CEMIP: variants seen among roughly 807,000 people sequenced by gnomAD.
CEMIP encodes the protein cell migration inducing hyaluronidase 1, also known as cell migration-inducing and hyaluronan-binding protein.
A neutral mutation model predicts 156.9 loss-of-function variants in CEMIP; 105 were observed. The observed-to-expected ratio is 0.67, with a 90% CI of 0.57 to 0.79. The LOEUF is 0.79. Among genes scored for constraint, CEMIP ranks in the 30% least tolerant of loss-of-function variants. The pLI, the probability that CEMIP is intolerant of heterozygous loss-of-function variation, is 0.00. For synonymous variants in CEMIP, 676 were observed against 668.4 expected, an observed-to-expected ratio of 1.01 and a Z score of -0.17; for missense variants, 1,457 against 1,769.4, an observed-to-expected ratio of 0.82 and a Z score of 3.17.
intron 14 of CEMIP, among the ~76,000 whole-genome samples, chr15:80,918,289 GA>G (rs200407286): frequency 9.6e-5 from 14 of 145,984 alleles, no homozygotes; most frequent in South Asian, 2.2e-4. Context: ...AAAGAAAAAA[GA>G]AAAAAAAAAG....
chr15:80,893,622 A>G (rs1434725656), intron 10 of CEMIP, among the ~76,000 whole-genome samples: 1 of 152,112 alleles, frequency 6.6e-6, no homozygotes, highest in Non-Finnish European at 1.5e-5. Context: ...AACCCCTCTG[A>G]GCATCAGCGT....
intron 23 of CEMIP, among the ~76,000 whole-genome samples, chr15:80,935,801 T>A (rs1457650237): frequency 2.6e-5 from 4 of 152,222 alleles, no homozygotes; most frequent in Admixed American, 2.0e-4. Flanking sequence ...GGCAATGGCG[T>A]GATCTCGGCT....
chr15:80,895,974 C>G lies in CEMIP; in HGVS notation c.1325C>G (p.Ala442Gly), dbSNP rs769269343. Residue 442 changes from alanine to glycine, a missense_variant, in exon 12 of 30, where the codon GCC becomes GGC. Around this residue, in one of 5 missense-constraint regions of CEMIP, gnomAD observed 280 missense variants for 300.3 expected, o/e 0.93. Coordinates refer to ENST00000394685, the MANE Select transcript of CEMIP (RefSeq NM_001293298.2). Reference protein sequence around the residue: ...SWKPGDTLVIASTDYSMYQAE... With the variant: ...SWKPGDTLVIGSTDYSMYQAE... ...AAACCTGGAGATACCCTGGTCATTG[C>G]CAGTACTGATTACTCCATGTACCAG... 3.1e-6 allele frequency: 5 copies of G among 1,614,142 alleles called. No homozygotes were observed. The Admixed American group carries it at 8.3e-5, about 27-fold the overall frequency.
chr15:80,874,051 G>A (rs28394231), intron 3 of CEMIP, 78 bp downstream of exon 3: 13 of 1,367,970 alleles, frequency 9.5e-6, no homozygotes, highest in Non-Finnish European at 1.3e-5. Flanking sequence ...GCTGCTTTTG[G>A]GGGAGCCAGG....
rs201342698 is a variant in CEMIP, at chr15:80,933,288, A to G, written c.2837A>G (p.Asn946Ser). The change falls in exon 23 of 30, where the codon AAC (asparagine) becomes AGC (serine). Residue 946 changes from asparagine to serine, a missense_variant. Around this residue, in one of 5 missense-constraint regions of CEMIP, gnomAD observed 798 missense variants for 980.1 expected, o/e 0.81. Transcript: ENST00000394685. ...TTCGGAGAGCCTGGGCCCTGGTTCA[A>G]CCAGCTGGACATGGATGGGGATAAG... ...VFFGEPGPWF[N>S]QLDMDGDKTS... 12 of 1,614,156 alleles carry G rather than the reference A, an allele frequency of 7.4e-6. No homozygotes were observed. Among genetic ancestry groups the G allele is most frequent in the Non-Finnish European group, 1.0e-5 (12 of 1,180,014 alleles).
At chr15:80,930,640 A>G (rs1316738214) in intron 21 of CEMIP, among the ~76,000 whole-genome samples, 1 of 152,202 alleles carries the variant, frequency 6.6e-6, no homozygotes, top group Admixed American at 6.5e-5. Context: ...AATCAATTAT[A>G]AACGTAAAAA....
At chr15:80,823,555 C>G (rs767415466) in intron 1 of CEMIP, among the ~76,000 whole-genome samples, 4 of 152,126 alleles carry the variant, frequency 2.6e-5, no homozygotes, top group Non-Finnish European at 5.9e-5. Context: ...GGACCCAGTC[C>G]CTTTCCCCTT....
chr15:80,890,436 A>AT (rs1446152695), intron 10 of CEMIP, among the ~76,000 whole-genome samples: 1 of 151,670 alleles, frequency 6.6e-6, no homozygotes, highest in Non-Finnish European at 1.5e-5. Context: ...AAAAAAAAAA[A>AT]AAAATTAGCT....
At position 80,880,950 on chromosome 15, in the gene CEMIP, G is replaced by C. The variant is rs1898632800; in HGVS notation, c.431G>C (p.Gly144Ala). 7.4e-6 allele frequency: 12 copies of C among 1,614,206 alleles called. No homozygotes were observed. The highest frequency in any genetic ancestry group is 1.0e-5 in the Non-Finnish European group (12 of 1,180,032). The change falls in exon 6 of 30, where the codon GGG becomes GCG. Residue 144 changes from glycine to alanine, a missense_variant. Gly to Ala is a moderately conservative substitution (Grantham distance 60, BLOSUM62 0). Transcript: ENST00000394685. Reference sequence around the variant, plus strand: ...CCTTACTATGGTCTGAAGTACATTGGGGTTGGTAAAGGAGGCGCTCTTGAG... The same window carrying C: ...CCTTACTATGGTCTGAAGTACATTGCGGTTGGTAAAGGAGGCGCTCTTGAG... ...PDPYYGLKYI[G>A]VGKGGALELH...
intron 29 of CEMIP, chr15:80,948,596 G>A: frequency 1.4e-6 from 1 of 690,536 alleles, no homozygotes; most frequent in Non-Finnish European, 2.5e-6. Context: ...AGGCTCAGGT[G>A]AGACCCTGCC....
At chr15:80,913,691 C>T (rs1034202344) in intron 14 of CEMIP, among the ~76,000 whole-genome samples, 28 of 152,192 alleles carry the variant, frequency 1.8e-4, no homozygotes, top group Non-Finnish European at 3.7e-4. Context: ...TCACTGTGTG[C>T]CTCTGTATCT....
At chr15:80,804,988 G>A (rs987755394) in intron 1 of CEMIP, among the ~76,000 whole-genome samples, 2 of 152,090 alleles carry the variant, frequency 1.3e-5, no homozygotes. Context: ...ATGGCTGCAC[G>A]GAGAACTACC....
At chr15:80,896,383 G>A (rs1899225403) in intron 12 of CEMIP, 1 of 516,832 alleles carries the variant, frequency 1.9e-6, no homozygotes, top group Non-Finnish European at 3.7e-6. Flanking sequence ...CAGAAACACA[G>A]AACTCTTAAG....
intron 25 of CEMIP, among the ~76,000 whole-genome samples, chr15:80,940,674 C>T (rs1431932508): frequency 1.3e-5 from 2 of 152,200 alleles, no homozygotes; most frequent in African/African-American, 4.8e-5. Flanking sequence ...CTCAAGGAAG[C>T]TCAGATTAAG....
chr15:80,863,954 C>G (rs78484604), intron 1 of CEMIP, among the ~76,000 whole-genome samples: 1 of 152,164 alleles, frequency 6.6e-6, no homozygotes, highest in Non-Finnish European at 1.5e-5. Context: ...TTCCTCTCCC[C>G]TCCCCTCTCT....
In CEMIP at chr15:80,901,863, C is replaced by G. The variant is rs115844062; in HGVS notation, c.1412-4800C>G. Reference sequence around the variant, plus strand: ...CGGCACTGATGTAGGTCAAGCAAGTCAACAGCTGAGCCAGGATTTCAACTC... The same window carrying G: ...CGGCACTGATGTAGGTCAAGCAAGTGAACAGCTGAGCCAGGATTTCAACTC... On this transcript the variant is annotated intron_variant, in intron 12 of 29. Coordinates refer to ENST00000394685, the MANE Select transcript of CEMIP (RefSeq NM_001293298.2). Among the ~76,000 whole-genome samples the G allele has an allele frequency of 3.2e-3, 483 of 152,306 alleles. 2 individuals are homozygous for G. The highest frequency in any genetic ancestry group is 0.011 in the African/African-American group (457 of 41,566).
chr15:80,818,016 T>C (rs1896826253), intron 1 of CEMIP, among the ~76,000 whole-genome samples: 1 of 152,182 alleles, frequency 6.6e-6, no homozygotes, highest in African/African-American at 2.4e-5. Context: ...ATTTTTCCTA[T>C]TTTACGTGGT....
chr15:80,871,583 G>A (rs10775221), intron 1 of CEMIP, among the ~76,000 whole-genome samples: 2,622 of 152,000 alleles, frequency 0.017, 84 homozygotes, highest in African/African-American at 0.061. Flanking sequence ...GGATGCCCCC[G>A]CCCAGCCTGC....
At chr15:80,885,127 G>C (rs1043956274) in intron 7 of CEMIP, among the ~76,000 whole-genome samples, 5 of 152,044 alleles carry the variant, frequency 3.3e-5, no homozygotes, top group Non-Finnish European at 5.9e-5. Context: ...TGTGTCCATG[G>C]TAAGCACACC....
Sources: allele counts gnomAD v4.1 joint callset (sites outside exome capture counted in the v4.1 genomes callset), GRCh38; gene constraint gnomAD v4.1.1; regional missense constraint gnomAD v4.1.1; transcripts MANE v1.5; gene names NCBI Gene and HGNC (gene_info 2026-07-23, HGNC 2026-07-21).